The following SNX24 variants were observed in gnomAD, a reference collection of about 807,000 sequenced individuals.
SNX24 encodes the protein sorting nexin-24.
SNX24 carries 22 observed loss-of-function variants against 28.7 expected under a neutral mutation model. The observed-to-expected ratio is 0.77, with a 90% CI of 0.55 to 1.10. The LOEUF is 1.10. SNX24 is among the 50% of genes least tolerant of loss of function. The probability of loss-of-function intolerance (pLI) is 0.00; values close to 1 mark genes in which losing one functional copy is unlikely to be tolerated. For missense variants in SNX24, 221 were observed against 201.1 expected (o/e 1.10, Z -0.60); for synonymous variants, 69 against 71.5 (o/e 0.96, Z 0.18).
chr5:123,027,709 C>T (rs1159050421), intron 5 of SNX24, among the ~76,000 whole-genome samples: 1 of 152,090 alleles, frequency 6.6e-6, no homozygotes, highest in Non-Finnish European at 1.5e-5. Context: ...TTGCAATAAA[C>T]ATAAAATTAG....
intron 3 of SNX24, among the ~76,000 whole-genome samples, chr5:122,969,814 G>A (rs1222734700): frequency 1.3e-5 from 2 of 151,968 alleles, no homozygotes; most frequent in East Asian, 1.9e-4. Context: ...ATCCATTACC[G>A]AATTCAGCAC....
intron 2 of SNX24, among the ~76,000 whole-genome samples, chr5:122,938,237 A>G (rs1347977260): frequency 1.3e-5 from 2 of 152,112 alleles, no homozygotes; most frequent in Admixed American, 6.5e-5. Flanking sequence ...TCTCTGCTCT[A>G]GTAGAGTTTA....
At chr5:122,847,772 G>T (rs1307064187) in intron 1 of SNX24, among the ~76,000 whole-genome samples, 1 of 152,116 alleles carries the variant, frequency 6.6e-6, no homozygotes, top group Non-Finnish European at 1.5e-5. Flanking sequence ...GGGATAACAG[G>T]CATGAGCCAC....
intron 3 of SNX24, among the ~76,000 whole-genome samples, chr5:122,995,968 C>A (rs1341520190): frequency 3.3e-5 from 5 of 152,186 alleles, no homozygotes; most frequent in Non-Finnish European, 7.3e-5. Flanking sequence ...GAAAATCATA[C>A]TTTCCTTAAT....
chr5:122,957,415 A>G (rs1760261671), intron 3 of SNX24, among the ~76,000 whole-genome samples: 1 of 152,292 alleles, frequency 6.6e-6, no homozygotes, highest in South Asian at 2.1e-4. Context: ...TTCATTTACT[A>G]TAGCTTTAGA....
chr5:122,965,912 A>C (rs1015685423), intron 3 of SNX24, among the ~76,000 whole-genome samples: 4 of 152,228 alleles, frequency 2.6e-5, no homozygotes, highest in Admixed American at 1.3e-4. Flanking sequence ...GAGCCAGATT[A>C]ATGGAGAGCA....
At chr5:122,855,029 G>A (rs561829459) in intron 1 of SNX24, among the ~76,000 whole-genome samples, 2 of 152,092 alleles carry the variant, frequency 1.3e-5, no homozygotes, top group African/African-American at 4.8e-5. Context: ...ACTGATCAGG[G>A]TGGTGGTTGC....
chr5:122,950,026 C>T (rs192273797), intron 3 of SNX24, among the ~76,000 whole-genome samples: 2 of 152,028 alleles, frequency 1.3e-5, no homozygotes, highest in African/African-American at 2.4e-5. Flanking sequence ...TGTTTTCTTA[C>T]CTCTTTCCCC....
At chr5:122,934,868 C>T (rs1475864833) in intron 1 of SNX24, among the ~76,000 whole-genome samples, 2 of 152,124 alleles carry the variant, frequency 1.3e-5, no homozygotes, top group African/African-American at 4.8e-5. Context: ...CTCCCCCACC[C>T]TTCATTGTGA....
At chr5:122,939,030 A>G (rs1347214989) in intron 2 of SNX24, among the ~76,000 whole-genome samples, 1 of 151,796 alleles carries the variant, frequency 6.6e-6, no homozygotes, top group Non-Finnish European at 1.5e-5. Context: ...TGTAATTTTG[A>G]CTGTAAGATT....
At chr5:122,853,823 T>C in intron 1 of SNX24, 1 of 214,726 alleles carries the variant, frequency 4.7e-6, no homozygotes. Context: ...AGTTATTTTG[T>C]TCTTCAGCCT....
intron 5 of SNX24, among the ~76,000 whole-genome samples, chr5:123,021,170 T>TGTCTA (rs1189169417): frequency 7.0e-6 from 1 of 143,420 alleles, no homozygotes; most frequent in Non-Finnish European, 1.5e-5. Flanking sequence ...ACCCCTTCAC[T>TGTCTA]GTCTATTCGC....
intron 1 of SNX24, among the ~76,000 whole-genome samples, chr5:122,866,653 T>C (rs1954835001): frequency 6.6e-6 from 1 of 152,176 alleles, no homozygotes; most frequent in South Asian, 2.1e-4. Context: ...ATTAATACTA[T>C]GCTTGAAGGG....
chr5:122,968,205 C>T (rs1359923856), intron 3 of SNX24, among the ~76,000 whole-genome samples: 4 of 152,050 alleles, frequency 2.6e-5, no homozygotes, highest in Non-Finnish European at 4.4e-5. Context: ...GTTAGCCGGG[C>T]GTGGTGGCAT....
intron 3 of SNX24, among the ~76,000 whole-genome samples, chr5:122,990,735 A>G (rs926168484): frequency 1.3e-5 from 2 of 152,150 alleles, no homozygotes; most frequent in Admixed American, 1.3e-4. Flanking sequence ...CAGCATTTCC[A>G]TTCTATTGTT....
In SNX24 at chr5:122,845,653, C is replaced by T. The variant is rs775402188; in HGVS notation, c.20C>T (p.Ser7Phe). Residue 7 changes from serine to phenylalanine, a missense_variant, in exon 1 of 7, where the codon TCC (serine) becomes TTC (phenylalanine). Transcript: ENST00000261369. ...GCGGCCATGGAGGTCTACATCCCGT[C>T]CTTTCGCTATGAAGAGAGCGACCTG... MEVYIP[S>F]FRYEESDLER... 1.4e-6 allele frequency: 2 copies of T among 1,433,608 alleles called. No homozygotes were observed. The highest frequency in any genetic ancestry group is 1.8e-6 in the Non-Finnish European group (2 of 1,084,350). The allele number at this position is 1,433,608 out of a possible 1,614,324, so 88.8% of individuals were successfully genotyped here.
At chr5:122,979,130 A>G (rs1466951827) in intron 3 of SNX24, among the ~76,000 whole-genome samples, 1 of 152,210 alleles carries the variant, frequency 6.6e-6, no homozygotes, top group Non-Finnish European at 1.5e-5. Context: ...ATTTGCCCTC[A>G]TGAACAGAGG....
chr5:122,911,440 G>A lies in SNX24; in HGVS notation c.61-25294G>A, dbSNP rs868640082. Among the ~76,000 whole-genome samples the A allele has an allele frequency of 9.9e-4, 150 of 152,130 alleles. 2 individuals carry two copies. Among genetic ancestry groups the A allele is most frequent in the African/African-American group, 3.6e-3 (148 of 41,476 alleles). On this transcript the variant is annotated intron_variant, in intron 1 of 6. Coordinates refer to ENST00000261369, the MANE Select transcript of SNX24 (RefSeq NM_014035.4). ...AGGTTGCCTGTTCACTCTGATGGTA[G>A]TTTCTTTTGCTGTGCAGAAGCTCTT...
intron 1 of SNX24, among the ~76,000 whole-genome samples, chr5:122,862,567 A>C (rs1348897247): frequency 6.7e-6 from 1 of 148,394 alleles, no homozygotes; most frequent in Non-Finnish European, 1.5e-5. Flanking sequence ...GCGCCACTGC[A>C]CTCCAGCCTG....
Sources: allele counts gnomAD v4.1 joint callset (sites outside exome capture counted in the v4.1 genomes callset), GRCh38; gene constraint gnomAD v4.1.1; transcripts MANE v1.5; gene names NCBI Gene and HGNC (gene_info 2026-07-23, HGNC 2026-07-21).